The following CRYBG2 variants were observed in gnomAD, a reference collection of about 807,000 sequenced individuals.
CRYBG2 encodes crystallin beta-gamma domain containing 2, also known as beta/gamma crystallin domain-containing protein 2.
A neutral mutation model predicts 153.4 loss-of-function variants in CRYBG2; 106 were observed. The ratio of observed to expected loss-of-function variants is 0.69; its 90% CI spans 0.59 to 0.81. The LOEUF (loss-of-function observed/expected upper bound fraction) is 0.81. Among genes scored for constraint, CRYBG2 ranks in the 30% least tolerant of loss-of-function variants. The pLI, the probability that CRYBG2 is intolerant of heterozygous loss-of-function variation, is 0.00. For missense variants in CRYBG2, 1,996 were observed against 2,112.0 expected (o/e 0.95, Z 1.08); for synonymous variants, 851 against 877.8 (o/e 0.97, Z 0.54).
In CRYBG2 at chr1:26,332,293, C is replaced by T. The variant is rs375700676; in HGVS notation, c.4185-675G>A. Among the ~76,000 whole-genome samples the T allele has an allele frequency of 6.2e-4, 76 of 122,926 alleles. 1 individual carries two copies. The highest frequency in any genetic ancestry group is 2.3e-3 in the African/African-American group (74 of 32,060). 80.6% of individuals were successfully genotyped at this position (122,926 alleles called of 152,430 possible). On this transcript the variant is annotated intron_variant, in intron 14 of 19. Transcript: ENST00000308182. ...CTACACTCCAGCCTGGGCAACAGAG[C>T]GAGACTCCGTGTCAAAAAAAAAAAA...
At chr1:26,348,714 C>T (rs983386148) in intron 1 of CRYBG2, among the ~76,000 whole-genome samples, 1 of 151,952 alleles carries the variant, frequency 6.6e-6, no homozygotes, top group Admixed American at 6.5e-5. Context: ...TGCCACCATG[C>T]CCAGCTAATT....
chr1:26,341,277 GCTGCTGTGAGCCGAGATCATACCA>G (rs2074126227), intron 5 of CRYBG2, among the ~76,000 whole-genome samples: 1 of 151,574 alleles, frequency 6.6e-6, no homozygotes, highest in Non-Finnish European at 1.5e-5. Flanking sequence ...GGAGGCGGAG[GCTGCTGTGAGCCGAGATCATACCA>G]CTGCACTCCA....
intron 6 of CRYBG2, among the ~76,000 whole-genome samples, chr1:26,338,885 T>C (rs2124706443): frequency 6.6e-6 from 1 of 152,324 alleles, no homozygotes; most frequent in African/African-American, 2.4e-5. Flanking sequence ...GCATGTGCTA[T>C]TCCCTCTGCC....
At position 26,344,742 on chromosome 1, in the gene CRYBG2, C is replaced by T. The variant is rs551504884; in HGVS notation, c.1916G>A (p.Gly639Asp). 4.6e-6 allele frequency: 7 copies of T among 1,535,642 alleles called. No individual in the cohort carries two copies. Among genetic ancestry groups the T allele is most frequent in the Non-Finnish European group, 6.1e-6 (7 of 1,146,590 alleles). ...KSTEVVQGPK[G>D]SSSIQKEAVQ... ...AGCCTCTTTTTGGATGCTACTGCTG[C>T]CTTTTGGGCCCTGGACAACCTCAGT... The change falls in exon 2 of 20, where the codon GGC becomes GAC. Residue 639 changes from glycine to aspartate, a missense_variant. Coordinates refer to ENST00000308182, the MANE Select transcript of CRYBG2 (RefSeq NM_001039775.4).
chr1:26,323,317 G>C (rs546438784), intron 18 of CRYBG2, among the ~76,000 whole-genome samples: 5 of 152,186 alleles, frequency 3.3e-5, no homozygotes, highest in African/African-American at 1.2e-4. Flanking sequence ...CTGAGCTCAA[G>C]AGATCCTCCT....
chr1:26,336,187 G>T lies in CRYBG2; in HGVS notation c.4092C>A (p.Pro1364=). 2 of 1,551,316 alleles carry T rather than the reference G, an allele frequency of 1.3e-6. No homozygotes were observed. The highest frequency in any genetic ancestry group is 1.7e-6 in the Non-Finnish European group (2 of 1,145,398). Residue 1364 remains proline (P), a synonymous_variant, in exon 14 of 20, where the codon CCC becomes CCA. Transcript: ENST00000308182. This position sits in a 1 kb window ranked among gnomAD's most constrained non-coding sequence, Gnocchi z 4.9. ...FVSKIQLFSR[P]DFLGDHFSFE... is the part of the protein sequence containing the mutation. ...AAGAGAAGTGGTCGCCCAGAAAGTC[G>T]GGGCGGGAGAAAAGCTGAATCTGGA... is the stretch of plus-strand genomic sequence containing the variant.
At chr1:26,352,023 G>A (rs1385978918) in intron 1 of CRYBG2, among the ~76,000 whole-genome samples, 3 of 152,076 alleles carry the variant, frequency 2.0e-5, no homozygotes, top group Non-Finnish European at 2.9e-5. Flanking sequence ...AAGGCGTGTG[G>A]AGCTGGGAAG....
chr1:26,338,251 A>C (rs2074086205), intron 7 of CRYBG2, 100 bp downstream of exon 7: 5 of 1,511,824 alleles, frequency 3.3e-6, no homozygotes, highest in Non-Finnish European at 4.4e-6. Flanking sequence ...GCTGTTTTAC[A>C]CTTCATCCCC....
Position 26,345,570 on chromosome 1 carries a change from G to A in CRYBG2, c.1088C>T (p.Ser363Phe). The A allele has an allele frequency of 5.6e-6, 9 of 1,605,602 alleles. No individual in the cohort carries two copies. Among genetic ancestry groups the A allele is most frequent in the Non-Finnish European group, 7.6e-6 (9 of 1,178,952 alleles). Residue 363 changes from serine (S) to phenylalanine (F), a missense_variant, in exon 2 of 20, where the codon TCT becomes TTT. By Grantham distance (155) the Ser-to-Phe change is radical. Coordinates refer to ENST00000308182, the MANE Select transcript of CRYBG2 (RefSeq NM_001039775.4). Reference sequence around the variant, plus strand: ...CTTTGCAGGGTGAGTTAGGCCAGGAGAGGGGACATGGGTCTCGAGTCTGGG... The same window carrying A: ...CTTTGCAGGGTGAGTTAGGCCAGGAAAGGGGACATGGGTCTCGAGTCTGGG... The part of the protein sequence containing the change: ...SSPRLETHVP[S>F]PGLTHPAKQP...
chr1:26,335,363 C>T (rs2074042156), intron 14 of CRYBG2, among the ~76,000 whole-genome samples: 1 of 152,160 alleles, frequency 6.6e-6, no homozygotes, highest in South Asian at 2.1e-4. Flanking sequence ...ATAATCCCAG[C>T]TACTTGGGAA....
Position 26,345,819 on chromosome 1 carries a change from G to T in CRYBG2, c.839C>A (p.Thr280Asn), listed in dbSNP as rs1164305842. 1 of 1,596,550 alleles carries T rather than the reference G, an allele frequency of 6.3e-7. No individual in the cohort carries two copies. Among genetic ancestry groups the T allele is most frequent in the Admixed American group, 1.7e-5 (1 of 59,754 alleles). Reference sequence around the variant, plus strand: ...GCTGTCTTTAAGCTCTGCTGTCCCGGTCTCAGGCAGCTGCCTCAAGGCTGC... The same window carrying T: ...GCTGTCTTTAAGCTCTGCTGTCCCGTTCTCAGGCAGCTGCCTCAAGGCTGC... Reference protein sequence around the residue: ...VGAALRQLPETGTAELKDSSA... With the variant: ...VGAALRQLPENGTAELKDSSA... Residue 280 changes from threonine (T) to asparagine (N), a missense_variant, in exon 2 of 20, where the codon ACC becomes AAC. Thr to Asn is a moderately conservative substitution (Grantham distance 65, BLOSUM62 0). Coordinates refer to ENST00000308182, the MANE Select transcript of CRYBG2 (RefSeq NM_001039775.4).
At position 26,328,202 on chromosome 1, in the gene CRYBG2, T is replaced by C; in HGVS notation, c.4578+7A>G. 1 of 1,562,058 alleles carries C rather than the reference T, an allele frequency of 6.4e-7. No individual in the cohort carries two copies. Among genetic ancestry groups the C allele is most frequent in the Non-Finnish European group, 8.7e-7 (1 of 1,153,390 alleles). On this transcript the variant is annotated splice_region_variant and intron_variant, in intron 17 of 19. Coordinates refer to ENST00000308182, the MANE Select transcript of CRYBG2 (RefSeq NM_001039775.4). Reference sequence around the variant, plus strand: ...CAGACACGCTCAGCTCCAGCCACGCTACCCACCTGCTTGATGGGGTAGAGG... The same window carrying C: ...CAGACACGCTCAGCTCCAGCCACGCCACCCACCTGCTTGATGGGGTAGAGG...
chr1:26,336,846 G>T lies in CRYBG2; in HGVS notation c.3906C>A (p.Ser1302Arg), dbSNP rs779322728. Residue 1302 changes from serine to arginine, a missense_variant, in exon 11 of 20, where the codon AGC (serine) becomes AGA (arginine). By Grantham distance (110) the Ser-to-Arg change is moderately radical. Coordinates refer to ENST00000308182, the MANE Select transcript of CRYBG2 (RefSeq NM_001039775.4). This position sits in a 1 kb window ranked among gnomAD's most constrained non-coding sequence, Gnocchi z 4.9. ...GPSTQAIHVL[S>R]GVWVAYQEVG... ...CCGGAGCCCGGGTCACTTACACGCC[G>T]CTGAGCACGTGGATGGCCTGTGTGC... The T allele has an allele frequency of 1.3e-6, 2 of 1,593,722 alleles. No individual in the cohort carries two copies. The highest frequency in any genetic ancestry group is 2.3e-5 in the South Asian group (2 of 88,144).
At chr1:26,328,556 T>G in intron 16 of CRYBG2, 178 bp downstream of exon 16, 1 of 1,145,978 alleles carries the variant, frequency 8.7e-7, no homozygotes, top group Non-Finnish European at 1.2e-6. Context: ...CAAGCTGGGG[T>G]CTAAGCCCTG....
rs80177817 is a variant in CRYBG2, at chr1:26,331,520, G to A, written c.4283C>T (p.Thr1428Ile). The A allele has an allele frequency of 0.014, 22,729 of 1,614,100 alleles. 218 individuals carry two copies. The highest frequency in any genetic ancestry group is 0.023 in the Middle Eastern group (140 of 6,052). Residue 1428 changes from threonine (T) to isoleucine (I), a missense_variant, in exon 15 of 20, where the codon ACA becomes ATA. Transcript: ENST00000308182. ...TLTAMGCLAS[T>I]VLGSLQKVSL... ...TACCTTCTGGAGAGAGCCCAGGACT[G>A]TGGAGGCGAGGCAGCCCATGGCCGT...
intron 8 of CRYBG2, 97 bp downstream of exon 8, chr1:26,337,915 T>C: frequency 6.7e-7 from 1 of 1,486,588 alleles, no homozygotes; most frequent in Non-Finnish European, 9.1e-7. Flanking sequence ...TGGCCCCCAG[T>C]GCCCTCCTCT....
At position 26,325,690 on chromosome 1, in the gene CRYBG2, C is replaced by A. The variant is rs928995178; in HGVS notation, c.4579-1380G>T. On this transcript the variant is annotated intron_variant, in intron 17 of 19. Coordinates refer to ENST00000308182, the MANE Select transcript of CRYBG2 (RefSeq NM_001039775.4). The surrounding 1 kb of genome is among the most constrained non-coding windows in gnomAD (Gnocchi z 4.1). Reference sequence around the variant, plus strand: ...ATGGACACAAATAACCTGATGAGCACAGAAATACCCTCAGATGGGAACATG... The same window carrying A: ...ATGGACACAAATAACCTGATGAGCAAAGAAATACCCTCAGATGGGAACATG... Among the ~76,000 whole-genome samples, 7 of 152,086 alleles carry A rather than the reference C, an allele frequency of 4.6e-5. No homozygotes were observed. In the Middle Eastern group the frequency reaches 0.01, roughly 222 times the overall value.
intron 14 of CRYBG2, among the ~76,000 whole-genome samples, chr1:26,334,570 A>C (rs888523794): frequency 1.3e-5 from 2 of 152,212 alleles, no homozygotes; most frequent in Non-Finnish European, 2.9e-5. Flanking sequence ...TGTGTTTAAG[A>C]CACGGTAATT....
chr1:26,322,772 C>T (rs993529552), intron 18 of CRYBG2, among the ~76,000 whole-genome samples: 1 of 152,184 alleles, frequency 6.6e-6, no homozygotes, highest in Non-Finnish European at 1.5e-5. Context: ...CAATGCAGAG[C>T]CTGGCATGTG....
Sources: gnomAD v4.1 joint callset for allele counts (sites outside exome capture counted in the v4.1 genomes callset) on GRCh38, gnomAD v4.1.1 for gene constraint, Gnocchi (gnomAD v3.1) non-coding constraint, MANE v1.5 for transcripts, NCBI Gene and HGNC (gene_info 2026-07-23, HGNC 2026-07-21) for gene names.